Variants in CACNA1D observed in about 807,000 individuals in gnomAD.
CACNA1D encodes calcium voltage-gated channel subunit alpha1 D.
Under a neutral mutation model 257.1 loss-of-function variants are expected in CACNA1D, and 55 were observed. The observed-to-expected ratio is 0.21, with a 90% CI of 0.17 to 0.27. The LOEUF (loss-of-function observed/expected upper bound fraction) is 0.27, where lower values mean the gene tolerates loss of function less well. Ranked by LOEUF, CACNA1D falls within the 10% of genes least tolerant of loss-of-function variation. The pLI is 1.00. For missense variants in CACNA1D, 1,876 were observed against 2,784.0 expected (o/e 0.67, Z 7.34); for synonymous variants, 980 against 1,014.9 (o/e 0.97, Z 0.65).
At chr3:53,755,677 C>CA (rs1375102723) in intron 29 of CACNA1D, among the ~76,000 whole-genome samples, 1 of 152,120 alleles carries the variant, frequency 6.6e-6, no homozygotes, top group Admixed American at 6.6e-5. Context: ...GCAGCATCTC[C>CA]ACACTTGAAG....
chr3:53,764,334 T>C (rs1439983725), intron 30 of CACNA1D, among the ~76,000 whole-genome samples: 3 of 152,244 alleles, frequency 2.0e-5, no homozygotes, highest in African/African-American at 7.2e-5. Context: ...CGCAAAGTGC[T>C]TACAATCTAC....
chr3:53,603,486 C>G (rs985622426), intron 3 of CACNA1D, among the ~76,000 whole-genome samples: 1 of 152,180 alleles, frequency 6.6e-6, no homozygotes, highest in African/African-American at 2.4e-5. Context: ...ACCTTTAAAG[C>G]ACGTAGAACA....
intron 3 of CACNA1D, among the ~76,000 whole-genome samples, chr3:53,521,941 A>G (rs2091593162): frequency 6.6e-6 from 1 of 150,500 alleles, no homozygotes; most frequent in African/African-American, 2.5e-5. Context: ...CCTGGAAAAC[A>G]TAGTGAGACC....
chr3:53,586,276 C>CTGTGTGTG (rs57318445), intron 3 of CACNA1D, among the ~76,000 whole-genome samples: 113 of 136,018 alleles, frequency 8.3e-4, no homozygotes, highest in Middle Eastern at 3.8e-3. Context: ...TGCCTCTATT[C>CTGTGTGTG]TGTGTGTGTG....
rs201768852 is a variant in CACNA1D at position 53,722,380 on chromosome 3, G to A, written c.1572G>A (p.Thr524=). 1.1e-4 allele frequency: 182 copies of A among 1,614,070 alleles called. No homozygotes were observed. Among genetic ancestry groups the A allele is most frequent in the Non-Finnish European group, 1.4e-4 (166 of 1,180,030 alleles). ...GTAGGGCCGCCGTGAAGTCTGTCACGTTTTACTGGCTGGTTATCGTCCTGG... is the reference window on the plus strand; with the variant it reads ...GTAGGGCCGCCGTGAAGTCTGTCACATTTTACTGGCTGGTTATCGTCCTGG... ...RRCRAAVKSV[T]FYWLVIVLVF... Residue 524 remains threonine (T), a synonymous_variant, in exon 12 of 48, where the codon ACG becomes ACA. Coordinates refer to ENST00000350061, the MANE Select transcript of CACNA1D (RefSeq NM_001128840.3).
At chr3:53,622,779 C>T (rs2093711228) in intron 3 of CACNA1D, among the ~76,000 whole-genome samples, 2 of 151,954 alleles carry the variant, frequency 1.3e-5, no homozygotes, top group Non-Finnish European at 1.5e-5. Context: ...AGATGTCCGT[C>T]GGGAGAATGG....
At chr3:53,653,884 A>G (rs925966793) in intron 4 of CACNA1D, among the ~76,000 whole-genome samples, 2 of 149,040 alleles carry the variant, frequency 1.3e-5, no homozygotes, top group African/African-American at 5.0e-5. Flanking sequence ...CACATCAAGC[A>G]CATCATAATT....
At chr3:53,649,040 G>A (rs2094057413) in intron 3 of CACNA1D, among the ~76,000 whole-genome samples, 1 of 152,196 alleles carries the variant, frequency 6.6e-6, no homozygotes. Context: ...TGGCTGCATG[G>A]TGGTCAAGAG....
intron 3 of CACNA1D, among the ~76,000 whole-genome samples, chr3:53,516,467 C>G (rs528591615): frequency 6.6e-6 from 1 of 152,226 alleles, no homozygotes; most frequent in Non-Finnish European, 1.5e-5. Context: ...CTACTCATAG[C>G]TCAGGGCTCA....
intron 40 of CACNA1D, chr3:53,791,157 C>G (rs1443589182): frequency 4.7e-6 from 3 of 635,188 alleles, no homozygotes; most frequent in Non-Finnish European, 8.5e-6. Flanking sequence ...CAGGGAGACC[C>G]CTTCCAAGCA....
intron 45 of CACNA1D, 83 bp from the exon 46 acceptor site, chr3:53,808,566 A>G: frequency 1.9e-6 from 3 of 1,557,670 alleles, no homozygotes; most frequent in South Asian, 2.2e-5. Flanking sequence ...GTTGCTGAGC[A>G]TCCGGGGCCA....
At chr3:53,737,900 C>T (rs575340464) in intron 20 of CACNA1D, among the ~76,000 whole-genome samples, 2 of 152,292 alleles carry the variant, frequency 1.3e-5, no homozygotes, top group South Asian at 2.1e-4. Flanking sequence ...AGATGGTGCC[C>T]GCTGACTGTG....
At chr3:53,562,887 C>T (rs901993101) in intron 3 of CACNA1D, among the ~76,000 whole-genome samples, 1 of 152,162 alleles carries the variant, frequency 6.6e-6, no homozygotes, top group African/African-American at 2.4e-5. Flanking sequence ...TATTATTGTT[C>T]CTTGTTTTGC....
chr3:53,810,076 C>T lies in CACNA1D; in HGVS notation c.5970C>T (p.Tyr1990=). Residue 1990 remains tyrosine, a synonymous_variant, in exon 47 of 48, where the codon TAC becomes TAT. Coordinates refer to ENST00000350061, the MANE Select transcript of CACNA1D (RefSeq NM_001128840.3). ...CCACCCCTCCAGCAACCCCTCCCTA[C>T]CGGGACTGGACACCGTGCTACACCC... ...SWATPPATPP[Y]RDWTPCYTPL... The T allele has an allele frequency of 6.2e-7, 1 of 1,613,988 alleles. No individual in the cohort carries two copies. The highest frequency in any genetic ancestry group is 1.7e-5 in the Admixed American group (1 of 60,026).
intron 3 of CACNA1D, among the ~76,000 whole-genome samples, chr3:53,517,106 A>G (rs2091366291): frequency 1.3e-5 from 2 of 152,202 alleles, no homozygotes; most frequent in Non-Finnish European, 2.9e-5. Context: ...TTTATAATCT[A>G]CGAAGCTATA....
rs76868547 is a variant in CACNA1D, at chr3:53,810,217, A to G, written c.6111A>G (p.Thr2037=). Residue 2037 remains threonine, a synonymous_variant, in exon 47 of 48, where the codon ACA becomes ACG. Coordinates refer to ENST00000350061, the MANE Select transcript of CACNA1D (RefSeq NM_001128840.3). ...CCGACATCTCCTACCGGACTTTCACACCAGCCAGCCTGACTGTCCCCAGCA... is the reference window on the plus strand; with the variant it reads ...CCGACATCTCCTACCGGACTTTCACGCCAGCCAGCCTGACTGTCCCCAGCA... ...DEPDISYRTF[T]PASLTVPSSF... 1.3e-3 allele frequency: 2,171 copies of G among 1,613,860 alleles called. 29 individuals carry two copies. The African/African-American group carries it at 0.024, about 18-fold the overall frequency.
intron 30 of CACNA1D, among the ~76,000 whole-genome samples, chr3:53,763,584 T>C (rs905678041): frequency 4.6e-5 from 7 of 152,242 alleles, no homozygotes; most frequent in African/African-American, 1.7e-4. Flanking sequence ...TGTGTGGTAT[T>C]GGCTTTTGCT....
At chr3:53,592,854 ATT>A (rs1407408726) in intron 3 of CACNA1D, among the ~76,000 whole-genome samples, 3 of 151,830 alleles carry the variant, frequency 2.0e-5, no homozygotes, top group Admixed American at 2.0e-4. Flanking sequence ...CGCCCAGCTA[ATT>A]TTTTGTATTT....
chr3:53,702,272 G>T (rs886795570), intron 8 of CACNA1D, among the ~76,000 whole-genome samples: 2 of 152,216 alleles, frequency 1.3e-5, no homozygotes, highest in Non-Finnish European at 2.9e-5. Context: ...CCTCTTTGAG[G>T]AGGCTCTGGG....
Sources: gnomAD v4.1 joint callset for allele counts (sites outside exome capture counted in the v4.1 genomes callset) on GRCh38, gnomAD v4.1.1 for gene constraint, MANE v1.5 for transcripts, NCBI Gene and HGNC (gene_info 2026-07-23, HGNC 2026-07-21) for gene names.